The following TRPC5 variants were observed in gnomAD, a reference collection of about 807,000 sequenced individuals.
TRPC5 encodes short transient receptor potential channel 5.
A neutral mutation model predicts 56.5 loss-of-function variants in TRPC5; 9 were observed. That is an observed-to-expected ratio of 0.16 (90% CI 0.10 to 0.28). The LOEUF (loss-of-function observed/expected upper bound fraction) is 0.28, where lower values mean the gene tolerates loss of function less well. TRPC5 is among the 10% of genes least tolerant of loss of function. TRPC5 has a pLI of 1.00. For missense variants in TRPC5, 469 were observed against 748.9 expected (o/e 0.63, Z 4.36); for synonymous variants, 282 against 278.5 (o/e 1.01, Z -0.13).
chrX:111,991,226 G>T (rs753856965), intron 1 of TRPC5, among the ~76,000 whole-genome samples: 39 of 111,045 alleles, frequency 3.5e-4, no homozygotes, highest in African/African-American at 1.1e-3. Context: ...CAGTGGTCAT[G>T]CCAGTGGCTA....
At chrX:111,973,467 A>C (rs1019446808) in intron 1 of TRPC5, among the ~76,000 whole-genome samples, 4 of 112,022 alleles carry the variant, frequency 3.6e-5, no homozygotes, top group Admixed American at 9.5e-5. Flanking sequence ...GAGAGAAAAA[A>C]GTGGTGAAAC....
intron 1 of TRPC5, among the ~76,000 whole-genome samples, chrX:111,979,187 T>C (rs1230325132): frequency 9.0e-6 from 1 of 111,226 alleles, no homozygotes; most frequent in Non-Finnish European, 1.9e-5. Context: ...TATACAAAAC[T>C]GATGTCTGAA....
At chrX:112,041,864 C>A (rs1034429475) in intron 1 of TRPC5, among the ~76,000 whole-genome samples, 8 of 111,439 alleles carry the variant, frequency 7.2e-5, no homozygotes, top group African/African-American at 2.6e-4. Context: ...GGAAAGAAAT[C>A]AATGTGTTTT....
intron 1 of TRPC5, among the ~76,000 whole-genome samples, chrX:112,054,787 C>T (rs1930304476): frequency 9.0e-6 from 1 of 111,689 alleles, no homozygotes; most frequent in African/African-American, 3.3e-5. Context: ...CTCTCTCCAT[C>T]TCCTTGAAAA....
At chrX:111,897,867 C>T (rs181963822) in intron 3 of TRPC5, among the ~76,000 whole-genome samples, 1,226 of 111,179 alleles carry the variant, frequency 0.011, 9 homozygotes, top group Non-Finnish European at 0.019. Flanking sequence ...ACTTTGTGAA[C>T]TTTCACTTAA....
At chrX:111,851,510 GGTGTGTGTGTGTGTGT>G (rs563243659) in intron 5 of TRPC5, among the ~76,000 whole-genome samples, 4 of 99,062 alleles carry the variant, frequency 4.0e-5, no homozygotes, top group Non-Finnish European at 6.2e-5. Context: ...GTATTAAGGT[GGTGTGTGTGTGTGTGT>G]GTGTGTGTGT....
chrX:111,831,182 T>C lies in TRPC5; in HGVS notation c.1896+3739A>G, dbSNP rs142934219. 4.4e-3 allele frequency among the ~76,000 whole-genome samples: 496 copies of C among 111,936 alleles called. 7 individuals are homozygous for C. Among genetic ancestry groups the C allele is most frequent in the African/African-American group, 0.016 (484 of 30,799 alleles). On this transcript the variant is annotated intron_variant, in intron 7 of 10. Transcript: ENST00000262839. The stretch of plus-strand genomic sequence containing the variant: ...CTTTACTTGCTGGATTGTCGGGAGG[T>C]CTGGGTATGTCATAGAAGGAACAGC...
rs189477013 is a variant in TRPC5 at position 111,774,004 on chromosome X, C to T, written c.*2309G>A. Among the ~76,000 whole-genome samples, 6 of 111,770 alleles carry T rather than the reference C, an allele frequency of 5.4e-5. No homozygotes were observed. In the East Asian group the frequency reaches 1.7e-3, roughly 31 times the overall value. On this transcript the variant is annotated 3_prime_UTR_variant, in exon 11 of 11. Transcript: ENST00000262839. Reference sequence around the variant, plus strand: ...GCTTTAACCCCCATCCTAAATGAGGCTTCACTATAGCTAGTAAAGTCTTAA... The same window carrying T: ...GCTTTAACCCCCATCCTAAATGAGGTTTCACTATAGCTAGTAAAGTCTTAA...
chrX:111,860,202 C>G (rs1923366882), intron 3 of TRPC5, among the ~76,000 whole-genome samples: 2 of 112,866 alleles, frequency 1.8e-5, no homozygotes, highest in African/African-American at 6.4e-5. Flanking sequence ...GCCACTACGC[C>G]TGGCCTACTT....
chrX:111,934,954 T>C (rs1926524032), intron 2 of TRPC5, among the ~76,000 whole-genome samples: 1 of 112,444 alleles, frequency 8.9e-6, no homozygotes, highest in African/African-American at 3.2e-5. Flanking sequence ...ATTTCTTCAG[T>C]GTACTGATTT....
In TRPC5 at chrX:111,843,948, CAGAG is replaced by C. The variant is rs773080357; in HGVS notation, c.1700+3162_1700+3165del. Reference sequence around the variant, plus strand: ...TGAGAGAGAGAGAATGAGAGAGAGACAGAGAGAGAAAGAGAGAGAGGTATTCAAG... The same window carrying C: ...TGAGAGAGAGAGAATGAGAGAGAGACAGAGAAAGAGAGAGAGGTATTCAAG... On this transcript the variant is annotated intron_variant, in intron 6 of 10. Coordinates refer to ENST00000262839, the MANE Select transcript of TRPC5 (RefSeq NM_012471.3). Among the ~76,000 whole-genome samples the C allele has an allele frequency of 8.0e-4, 59 of 73,826 alleles. No individual in the cohort carries two copies. In the East Asian group the frequency reaches 8.8e-3, roughly 11 times the overall value. 64.1% of individuals were successfully genotyped at this position (73,826 alleles called of 115,157 possible). A position where few individuals can be genotyped will look rare whatever the true frequency, so the allele number is the denominator to read the frequency against.
intron 2 of TRPC5, among the ~76,000 whole-genome samples, chrX:111,921,625 TA>T (rs1281057961): frequency 2.7e-5 from 3 of 110,759 alleles, no homozygotes; most frequent in African/African-American, 6.6e-5. Flanking sequence ...AAAATAAAGA[TA>T]GGGGGAGGTG....
At chrX:111,786,134 T>C (rs1414695995) in intron 7 of TRPC5, among the ~76,000 whole-genome samples, 1 of 110,489 alleles carries the variant, frequency 9.1e-6, no homozygotes, top group African/African-American at 3.3e-5. Flanking sequence ...AAAGTCAAAA[T>C]GAAGGAAAAA....
At chrX:111,793,406 C>T (rs2148556533) in intron 7 of TRPC5, among the ~76,000 whole-genome samples, 1 of 112,178 alleles carries the variant, frequency 8.9e-6, no homozygotes, top group African/African-American at 3.2e-5. Flanking sequence ...ATAGACATTT[C>T]TTCGAAGAAG....
At chrX:111,950,139 A>G (rs112353814) in intron 2 of TRPC5, among the ~76,000 whole-genome samples, 18,766 of 110,469 alleles carry the variant, frequency 0.17, 1,736 homozygotes, top group African/African-American at 0.35. Context: ...CCTGGCTAAC[A>G]CAGTGAAACC....
At chrX:111,914,885 C>G (rs1380027681) in intron 2 of TRPC5, among the ~76,000 whole-genome samples, 1 of 111,509 alleles carries the variant, frequency 9.0e-6, no homozygotes, top group Non-Finnish European at 1.9e-5. Context: ...CAGGAAGAAG[C>G]GAGCTCAGAT....
At chrX:112,077,818 C>A (rs1471360679) in intron 1 of TRPC5, among the ~76,000 whole-genome samples, 2 of 112,096 alleles carry the variant, frequency 1.8e-5, no homozygotes. Context: ...GTCTGCAAAC[C>A]TTTCCTTCTT....
At chrX:111,822,749 TTTATTG>T (rs1240643789) in intron 7 of TRPC5, among the ~76,000 whole-genome samples, 3 of 112,420 alleles carry the variant, frequency 2.7e-5, no homozygotes, top group Non-Finnish European at 5.6e-5. Context: ...CAATTGTTAA[TTTATTG>T]TTAAGTGAAT....
In TRPC5 at chrX:111,949,537, T is replaced by C. The variant is rs1927019327; in HGVS notation, c.378+2506A>G. On this transcript the variant is annotated intron_variant, in intron 2 of 10. Transcript: ENST00000262839. ...CCCATCAAAAAGTGGGCTAAGGACC[T>C]GAATAGACAATTCTCAAAAGAAGAT... Among the ~76,000 whole-genome samples, 2 of 111,796 alleles carry C rather than the reference T, an allele frequency of 1.8e-5. 1 individual carries two copies. The highest frequency in any genetic ancestry group is 3.8e-5 in the Non-Finnish European group (2 of 53,216).
Sources: allele counts gnomAD v4.1 joint callset (sites outside exome capture counted in the v4.1 genomes callset), GRCh38; gene constraint gnomAD v4.1.1; transcripts MANE v1.5; gene names NCBI Gene and HGNC (gene_info 2026-07-23, HGNC 2026-07-21).